ZNF76: variants seen among roughly 807,000 people sequenced by gnomAD.
ZNF76 encodes the protein zinc finger protein 76.
A neutral mutation model predicts 66.9 loss-of-function variants in ZNF76; 66 were observed. The observed-to-expected ratio is 0.99, with a 90% CI of 0.81 to 1.21. The LOEUF (loss-of-function observed/expected upper bound fraction) is 1.21. Ranked by LOEUF, ZNF76 falls within the 50% of genes most tolerant of loss-of-function variation. ZNF76 has a pLI of 0.00. For missense variants in ZNF76, 729 were observed against 760.3 expected (o/e 0.96, Z 0.48); for synonymous variants, 275 against 296.1 (o/e 0.93, Z 0.73).
At chr6:35,280,672 A>G (rs73745161) in intron 1 of ZNF76, among the ~76,000 whole-genome samples, 2,906 of 152,180 alleles carry the variant, frequency 0.019, 47 homozygotes, top group African/African-American at 0.041. Context: ...TTCCCTGAGG[A>G]TGGTTAACAA....
At chr6:35,280,249 G>A (rs1008902596) in intron 1 of ZNF76, among the ~76,000 whole-genome samples, 12 of 152,052 alleles carry the variant, frequency 7.9e-5, no homozygotes, top group Non-Finnish European at 1.5e-4. Context: ...TAGAACATGA[G>A]TTGGAAGAGG....
In ZNF76 at chr6:35,292,412, C is replaced by G; in HGVS notation, c.932-142C>G. 7 of 805,984 alleles carry G rather than the reference C, an allele frequency of 8.7e-6. No individual in the cohort carries two copies. Among genetic ancestry groups the G allele is most frequent in the Non-Finnish European group, 2.1e-6 (1 of 486,254 alleles). 49.9% of individuals were successfully genotyped at this position (805,984 alleles called of 1,614,324 possible). A position where few individuals can be genotyped will look rare whatever the true frequency, so the allele number is the denominator to read the frequency against. ...TGTTCCACTGGCCATCTTCCCCAACCCTGTCCATTCAGAGTCTCAGGTCTC... is the reference window on the plus strand; with the variant it reads ...TGTTCCACTGGCCATCTTCCCCAACGCTGTCCATTCAGAGTCTCAGGTCTC... On this transcript the variant is annotated intron_variant, in intron 9 of 13. Coordinates refer to ENST00000373953, the MANE Select transcript of ZNF76 (RefSeq NM_003427.5). The surrounding 1 kb of genome is among the most constrained non-coding windows in gnomAD (Gnocchi z 4.7).
At chr6:35,280,681 A>C (rs1251828184) in intron 1 of ZNF76, among the ~76,000 whole-genome samples, 1 of 152,204 alleles carries the variant, frequency 6.6e-6, no homozygotes, top group Non-Finnish European at 1.5e-5. Flanking sequence ...GATGGTTAAC[A>C]AGCTCAGTAG....
At chr6:35,274,206 C>A (rs1216451085) in intron 1 of ZNF76, among the ~76,000 whole-genome samples, 1 of 152,176 alleles carries the variant, frequency 6.6e-6, no homozygotes, top group Non-Finnish European at 1.5e-5. Context: ...AAGATTAAGT[C>A]ATAATTATTT....
intron 2 of ZNF76, among the ~76,000 whole-genome samples, chr6:35,283,716 C>T (rs1039788971): frequency 2.6e-5 from 4 of 152,330 alleles, no homozygotes; most frequent in Middle Eastern, 3.4e-3. Flanking sequence ...CTCTGCTGGC[C>T]GTAGCTTGCT....
At chr6:35,260,437 C>T (rs989894898) in intron 1 of ZNF76, among the ~76,000 whole-genome samples, 3 of 152,170 alleles carry the variant, frequency 2.0e-5, no homozygotes, top group African/African-American at 7.2e-5. Flanking sequence ...ATCCTGTAGC[C>T]GTATGACCCT....
At chr6:35,285,206 T>A (rs1282894476) in intron 2 of ZNF76, among the ~76,000 whole-genome samples, 1 of 152,196 alleles carries the variant, frequency 6.6e-6, no homozygotes, top group African/African-American at 2.4e-5. Flanking sequence ...ATGCTGCTTG[T>A]TGTGTTGCCT....
chr6:35,294,184 C>T (rs2150380285), intron 12 of ZNF76: 1 of 583,034 alleles, frequency 1.7e-6, no homozygotes, highest in Non-Finnish European at 3.0e-6. Flanking sequence ...GACTTCTGTC[C>T]ATTTTCAAGT....
rs910806274 is a variant in ZNF76, at chr6:35,287,355, C to T, written c.233-291C>T. Among the ~76,000 whole-genome samples, 16 of 152,058 alleles carry T rather than the reference C, an allele frequency of 1.1e-4. No homozygotes were observed. The highest frequency in any genetic ancestry group is 3.4e-4 in the African/African-American group (14 of 41,388). On this transcript the variant is annotated intron_variant, in intron 4 of 13. Transcript: ENST00000373953. The surrounding 1 kb of genome is among the most constrained non-coding windows in gnomAD (Gnocchi z 4.0). ...GGAGGGAACTAGAGGGGGTGAGGAG[C>T]GACTGGTCAGGAGGCTATTGTGGTC...
chr6:35,274,886 G>A (rs1260443758), intron 1 of ZNF76, among the ~76,000 whole-genome samples: 1 of 152,188 alleles, frequency 6.6e-6, no homozygotes, highest in Non-Finnish European at 1.5e-5. Context: ...CGGGTGCAGT[G>A]GCTCACGCCT....
chr6:35,259,766 G>C lies in ZNF76; in HGVS notation c.-172G>C, dbSNP rs1296915500. 2 of 152,582 alleles carry C rather than the reference G, an allele frequency of 1.3e-5. No individual in the cohort carries two copies. Among genetic ancestry groups the C allele is most frequent in the African/African-American group, 4.8e-5 (2 of 41,434 alleles). The allele number at this position is 152,582 out of a possible 1,614,324, so 9.5% of individuals were successfully genotyped here. On this transcript the variant is annotated 5_prime_UTR_variant, in exon 1 of 14. Transcript: ENST00000373953. ...GGGCGGGCGGGCTATGGCGCAGGCG[G>C]GTTGTGGGGCCGGCGCTGGTGGCGG...
chr6:35,291,913 C>T, intron 9 of ZNF76, 176 bp downstream of exon 9: 2 of 704,188 alleles, frequency 2.8e-6, no homozygotes, highest in Non-Finnish European at 4.7e-6. Flanking sequence ...TGAGTAATTC[C>T]TCAATTTCCA....
intron 7 of ZNF76, chr6:35,290,925 T>A: frequency 1.6e-6 from 1 of 613,070 alleles, no homozygotes; most frequent in Admixed American, 3.0e-5. Context: ...CCTGGAGGGT[T>A]GGTGGAGAGA....
chr6:35,265,760 G>A (rs913909208), intron 1 of ZNF76, among the ~76,000 whole-genome samples: 4 of 152,134 alleles, frequency 2.6e-5, no homozygotes, highest in Middle Eastern at 3.4e-3. Context: ...AGCCAATACG[G>A]CTGCAGTATA....
Position 35,291,375 on chromosome 6 carries a change from C to T in ZNF76, c.723C>T (p.Asp241=), listed in dbSNP as rs574801467. Residue 241 remains aspartate (D), a synonymous_variant, in exon 8 of 14, where the codon GAC becomes GAT. Transcript: ENST00000373953. The part of the protein sequence containing the change: ...LCSKAFKTSG[D]LQKHVRTHTG... The stretch of plus-strand genomic sequence containing the variant: ...GCAAGGCCTTCAAGACCTCAGGAGA[C>T]CTGCAGAAGCATGTCCGTACCCACA... 1.4e-5 allele frequency: 23 copies of T among 1,614,120 alleles called. No individual in the cohort carries two copies. The East Asian group carries it at 4.7e-4, about 33-fold the overall frequency.
At chr6:35,288,412 T>G (rs1479495273) in intron 5 of ZNF76, 2 of 345,100 alleles carry the variant, frequency 5.8e-6, no homozygotes, top group Non-Finnish European at 5.7e-6. Context: ...CAAATACCAG[T>G]CAGTCCAAGT....
chr6:35,292,018 C>A lies in ZNF76; in HGVS notation c.931+281C>A, dbSNP rs1227215114. ...CCCACCCTGAGTTCTCCAACTCTGA[C>A]TGAACTCTTGAAAAGAGGCCAGGGT... On this transcript the variant is annotated intron_variant, in intron 9 of 13. Coordinates refer to ENST00000373953, the MANE Select transcript of ZNF76 (RefSeq NM_003427.5). The surrounding 1 kb of genome is among the most constrained non-coding windows in gnomAD (Gnocchi z 4.7). 1.9e-6 allele frequency: 1 copy of A among 529,886 alleles called. No homozygotes were observed. Among genetic ancestry groups the A allele is most frequent in the South Asian group, 2.2e-5 (1 of 46,236 alleles). 32.8% of individuals were successfully genotyped at this position (529,886 alleles called of 1,614,324 possible).
At chr6:35,279,649 A>C (rs1243629459) in intron 1 of ZNF76, 1 of 151,712 alleles carries the variant, frequency 6.6e-6, no homozygotes, top group African/African-American at 2.4e-5. Context: ...GGATGGTCTC[A>C]ATCTCCTGAC....
At chr6:35,286,014 T>A (rs1031688674) in intron 2 of ZNF76, 114 bp from the exon 3 acceptor site, 20 of 936,348 alleles carry the variant, frequency 2.1e-5, no homozygotes, top group South Asian at 5.7e-5. Flanking sequence ...TACCCATGCT[T>A]AGACCTGCAG....
Sources: allele counts gnomAD v4.1 joint callset (sites outside exome capture counted in the v4.1 genomes callset), GRCh38; gene constraint gnomAD v4.1.1; non-coding constraint Gnocchi (gnomAD v3.1); transcripts MANE v1.5; gene names NCBI Gene and HGNC (gene_info 2026-07-23, HGNC 2026-07-21).